Variants in FCGR2A observed in about 807,000 individuals in gnomAD.
FCGR2A encodes Fc gamma receptor IIa, also known as low affinity immunoglobulin gamma Fc region receptor II-a.
Under a neutral mutation model 29.3 loss-of-function variants are expected in FCGR2A, and 18 were observed. The ratio of observed to expected loss-of-function variants is 0.62; its 90% CI spans 0.43 to 0.91. The LOEUF (loss-of-function observed/expected upper bound fraction) is 0.91, where lower values mean the gene tolerates loss of function less well. Among genes scored for constraint, FCGR2A ranks in the 40% least tolerant of loss-of-function variants. The pLI, the probability that FCGR2A is intolerant of heterozygous loss-of-function variation, is 0.00. For synonymous variants in FCGR2A, 126 were observed against 144.8 expected (o/e 0.87, Z 0.93); for missense variants, 287 against 393.0 (o/e 0.73, Z 2.28).
At chr1:161,523,304 C>CCAGCAGATCTGAATGGAATGT (rs2102498466), downstream of FCGR2A, 1 of 152,216 alleles carries the variant, frequency 6.6e-6, no homozygotes, top group South Asian at 2.1e-4. Flanking sequence ...AATCCGAACG[C>CCAGCAGATCTGAATGGAATGT]CAGCAGATCT....
chr1:161,522,915 C>T (rs1427136744), downstream of FCGR2A: 1 of 152,036 alleles, frequency 6.6e-6, no homozygotes, highest in African/African-American at 2.4e-5. Context: ...CTCCTGCCTC[C>T]CTCTTAAAAA....
At chr1:161,513,644 C>T (rs1307302447) in intron 5 of FCGR2A, 2 of 573,334 alleles carry the variant, frequency 3.5e-6, no homozygotes, top group Non-Finnish European at 6.2e-6. Flanking sequence ...TCAGCAATTC[C>T]CTGAAAAGAG....
rs891792510 is a variant in FCGR2A, at chr1:161,510,264, G to A, written c.619+190G>A. ...AGGGGCCAGAGCTTGGAGCCCTCAC[G>A]TCCCAGGTAATAGGTAGTCAGGCTG... On this transcript the variant is annotated intron_variant, in intron 4 of 6. Coordinates refer to ENST00000271450, the MANE Select transcript of FCGR2A (RefSeq NM_001136219.3). 4.7e-5 allele frequency: 47 copies of A among 1,007,888 alleles called. No individual in the cohort carries two copies. The Admixed American group carries it at 5.7e-4, about 12-fold the overall frequency. The allele number at this position is 1,007,888 out of a possible 1,614,324, so 62.4% of individuals were successfully genotyped here. A position where few individuals can be genotyped will look rare whatever the true frequency, so the allele number is the denominator to read the frequency against.
At chr1:161,523,769 C>A (rs555263241), downstream of FCGR2A, 1 of 152,066 alleles carries the variant, frequency 6.6e-6, no homozygotes, top group Non-Finnish European at 1.5e-5. Flanking sequence ...AAGTCTTCAG[C>A]CACCTGGTTT....
intron 4 of FCGR2A, 86 bp from the exon 5 acceptor site, chr1:161,510,747 TG>T (rs1362855358): frequency 1.3e-6 from 2 of 1,532,774 alleles, no homozygotes; most frequent in African/African-American, 2.7e-5. Context: ...GACATAGCAT[TG>T]GAGGTGGGAG....
intron 1 of FCGR2A, 184 bp from the exon 2 acceptor site, chr1:161,505,803 G>A: frequency 2.7e-6 from 2 of 729,086 alleles, no homozygotes; most frequent in Non-Finnish European, 4.9e-6. Context: ...GGAGGAACAG[G>A]AAATGAGATA....
chr1:161,509,143 C>CA (rs1675604334), intron 3 of FCGR2A, among the ~76,000 whole-genome samples: 1 of 152,240 alleles, frequency 6.6e-6, no homozygotes, highest in Non-Finnish European at 1.5e-5. Context: ...TGTGAGGACA[C>CA]AGTAAGAAGC....
At chr1:161,516,136 A>T (rs1434357553) in intron 6 of FCGR2A, among the ~76,000 whole-genome samples, 1 of 152,096 alleles carries the variant, frequency 6.6e-6, no homozygotes, top group East Asian at 1.9e-4. Flanking sequence ...TCAAAAAAAT[A>T]CCTTGAGATG....
At chr1:161,513,612 T>C in intron 5 of FCGR2A, 1 of 545,842 alleles carries the variant, frequency 1.8e-6, no homozygotes, top group South Asian at 2.6e-5. Context: ...CCCCAAGCTG[T>C]CTGGTTTGCT....
At position 161,505,460 on chromosome 1, in the gene FCGR2A, G is replaced by T; in HGVS notation, c.-8G>T. On this transcript the variant is annotated 5_prime_UTR_variant, in exon 1 of 7. Coordinates refer to ENST00000271450, the MANE Select transcript of FCGR2A (RefSeq NM_001136219.3). ...TTAAAACCCACTGGACGTTGGCACAGTGCTGGGATGACTATGGAGACCCAA... is the reference window on the plus strand; with the variant it reads ...TTAAAACCCACTGGACGTTGGCACATTGCTGGGATGACTATGGAGACCCAA... 1 of 1,610,126 alleles carries T rather than the reference G, an allele frequency of 6.2e-7. No homozygotes were observed. Among genetic ancestry groups the T allele is most frequent in the Non-Finnish European group, 8.5e-7 (1 of 1,176,308 alleles).
chr1:161,523,790 A>G (rs11811241), downstream of FCGR2A: 46,494 of 151,948 alleles, frequency 0.31, 7,310 homozygotes, highest in Admixed American at 0.36. Flanking sequence ...AATTTATTCA[A>G]GAGTGATTAA....
chr1:161,522,928 C>T (rs1676511701), downstream of FCGR2A: 1 of 152,020 alleles, frequency 6.6e-6, no homozygotes, highest in Non-Finnish European at 1.5e-5. Flanking sequence ...CTTAAAAAGT[C>T]CCTTGAACTT....
At position 161,518,882 on chromosome 1, in the gene FCGR2A, CA is replaced by C. The variant is rs1356376592; in HGVS notation, c.*737del. 4.3e-6 allele frequency: 1 copy of C among 233,220 alleles called. No homozygotes were observed. Among genetic ancestry groups the C allele is most frequent in the Non-Finnish European group, 9.0e-6 (1 of 111,488 alleles). 14.4% of individuals were successfully genotyped at this position (233,220 alleles called of 1,614,324 possible). A position where few individuals can be genotyped will look rare whatever the true frequency, so the allele number is the denominator to read the frequency against. Reference sequence around the variant, plus strand: ...TAGCGATCTGCCCGCCTCGGCCTCCCAAAGTGCTGGGATGACCAGCATCAGC... The same window carrying C: ...TAGCGATCTGCCCGCCTCGGCCTCCCAAGTGCTGGGATGACCAGCATCAGC... On this transcript the variant is annotated 3_prime_UTR_variant, in exon 7 of 7. Coordinates refer to ENST00000271450, the MANE Select transcript of FCGR2A (RefSeq NM_001136219.3).
intron 1 of FCGR2A, 178 bp from the exon 2 acceptor site, chr1:161,505,809 A>G: frequency 1.4e-6 from 1 of 731,518 alleles, no homozygotes. Context: ...ACAGGAAATG[A>G]GATAAAGGGG....
chr1:161,512,052 G>T (rs907163612), intron 5 of FCGR2A, among the ~76,000 whole-genome samples: 17 of 152,206 alleles, frequency 1.1e-4, no homozygotes, highest in Admixed American at 9.2e-4. Flanking sequence ...ATACAGAGGA[G>T]AGGGCGGTGT....
At chr1:161,513,831 A>C (rs572323543) in intron 5 of FCGR2A, 64 bp from the exon 6 acceptor site, 1 of 1,613,350 alleles carries the variant, frequency 6.2e-7, no homozygotes, top group Non-Finnish European at 8.5e-7. Context: ...CAGCCTCAGC[A>C]TCAGCGTGGG....
downstream of FCGR2A, among the ~76,000 whole-genome samples, chr1:161,521,360 G>T (rs777959092): frequency 2.6e-5 from 4 of 151,912 alleles, no homozygotes; most frequent in Non-Finnish European, 4.4e-5. Flanking sequence ...ATTCTTTGAC[G>T]TTTGAAATCA....
chr1:161,513,635 C>T, intron 5 of FCGR2A: 1 of 563,886 alleles, frequency 1.8e-6, no homozygotes, highest in Non-Finnish European at 3.2e-6. Context: ...TAGGAAAGCT[C>T]AGCAATTCCC....
chr1:161,515,645 G>A (rs1428034155), intron 6 of FCGR2A, among the ~76,000 whole-genome samples: 1 of 151,862 alleles, frequency 6.6e-6, no homozygotes, highest in Non-Finnish European at 1.5e-5. Context: ...AAAAAAGGAG[G>A]AATTTTTTAG....
Sources: allele counts gnomAD v4.1 joint callset (sites outside exome capture counted in the v4.1 genomes callset), GRCh38; gene constraint gnomAD v4.1.1; transcripts MANE v1.5; gene names NCBI Gene and HGNC (gene_info 2026-07-23, HGNC 2026-07-21).